The following PEBP4 variants were observed in gnomAD, a reference collection of about 807,000 sequenced individuals.
The protein encoded by PEBP4 is phosphatidylethanolamine binding protein 4.
Under a neutral mutation model 23.9 loss-of-function variants are expected in PEBP4, and 22 were observed. The observed-to-expected ratio is 0.92, with a 90% CI of 0.66 to 1.31. The LOEUF (loss-of-function observed/expected upper bound fraction) is 1.31, where lower values mean the gene tolerates loss of function less well. Among genes scored for constraint, PEBP4 ranks in the 40% most tolerant of loss-of-function variants. PEBP4 has a pLI of 0.00. For missense variants in PEBP4, 324 were observed against 281.7 expected (o/e 1.15, Z -1.07); for synonymous variants, 112 against 99.3 (o/e 1.13, Z -0.76).
At chr8:22,932,230 C>T (rs1809467490), upstream of PEBP4, among the ~76,000 whole-genome samples, 1 of 152,132 alleles carries the variant, frequency 6.6e-6, no homozygotes, top group African/African-American at 2.4e-5. Context: ...GTTGCTAAGG[C>T]TGGAGGTGGA....
At chr8:22,871,951 C>T (rs967783309) in intron 3 of PEBP4, among the ~76,000 whole-genome samples, 4 of 152,150 alleles carry the variant, frequency 2.6e-5, no homozygotes, top group African/African-American at 9.7e-5. Flanking sequence ...CCGCAAGTCC[C>T]CAAAATCCAT....
intron 3 of PEBP4, among the ~76,000 whole-genome samples, chr8:22,857,592 G>A (rs1387765726): frequency 6.6e-6 from 1 of 152,228 alleles, no homozygotes; most frequent in Non-Finnish European, 1.5e-5. Flanking sequence ...ACCCAGGACT[G>A]ATGTAACGAG....
chr8:22,742,278 T>C (rs1365739867), intron 4 of PEBP4, among the ~76,000 whole-genome samples: 1 of 152,250 alleles, frequency 6.6e-6, no homozygotes, highest in African/African-American at 2.4e-5. Context: ...ATCTGCCAGC[T>C]CTTGCGCCCC....
At chr8:22,732,634 T>TGTGTG (rs1554479294) in intron 4 of PEBP4, among the ~76,000 whole-genome samples, 19,673 of 149,172 alleles carry the variant, frequency 0.13, 1,619 homozygotes, top group Middle Eastern at 0.2. Context: ...CTGGCCCCAT[T>TGTGTG]TGTGTGTGTG....
intron 3 of PEBP4, 87 bp from the exon 4 acceptor site, chr8:22,817,822 A>G: frequency 8.0e-7 from 1 of 1,248,780 alleles, no homozygotes; most frequent in Non-Finnish European, 1.2e-6. Flanking sequence ...CCGCCATTCC[A>G]ACCGAGAATG....
chr8:22,805,887 TGA>T (rs1806485209), intron 4 of PEBP4, among the ~76,000 whole-genome samples: 1 of 151,990 alleles, frequency 6.6e-6, no homozygotes, highest in African/African-American at 2.4e-5. Context: ...GCTGAATGAA[TGA>T]ATGAATGAAT....
At chr8:22,893,641 T>A (rs912462135) in intron 3 of PEBP4, among the ~76,000 whole-genome samples, 1 of 152,168 alleles carries the variant, frequency 6.6e-6, no homozygotes, top group African/African-American at 2.4e-5. Context: ...GATAACAATT[T>A]CATTGTCTGT....
chr8:22,827,680 A>G (rs1309962838), intron 3 of PEBP4, among the ~76,000 whole-genome samples: 1 of 152,244 alleles, frequency 6.6e-6, no homozygotes, highest in Non-Finnish European at 1.5e-5. Context: ...ATTATGAATG[A>G]TGCTGCTGTG....
chr8:22,883,170 T>C (rs930588378), intron 3 of PEBP4, among the ~76,000 whole-genome samples: 3 of 151,966 alleles, frequency 2.0e-5, no homozygotes, highest in Non-Finnish European at 4.4e-5. Context: ...GCAGGGATTA[T>C]GATGCTTGCT....
intron 4 of PEBP4, among the ~76,000 whole-genome samples, chr8:22,786,827 T>C (rs2128756162): frequency 6.7e-6 from 1 of 149,912 alleles, no homozygotes; most frequent in East Asian, 2.0e-4. Flanking sequence ...CCTACCGCTT[T>C]TTTTTTTTTT....
intron 5 of PEBP4, among the ~76,000 whole-genome samples, 198 bp from the exon 6 acceptor site, chr8:22,725,154 A>T (rs1005564546): frequency 6.6e-6 from 1 of 150,668 alleles, no homozygotes; most frequent in Non-Finnish European, 1.5e-5. Context: ...GGTGGGGGTG[A>T]GAGTGGGGGA....
intron 3 of PEBP4, among the ~76,000 whole-genome samples, chr8:22,843,816 G>A (rs899859967): frequency 6.6e-6 from 1 of 152,186 alleles, no homozygotes; most frequent in African/African-American, 2.4e-5. Flanking sequence ...CAAGGGTGAA[G>A]ACGATGAAAG....
At chr8:22,880,445 A>G (rs1370125520) in intron 3 of PEBP4, 4 of 152,100 alleles carry the variant, frequency 2.6e-5, no homozygotes, top group African/African-American at 9.7e-5. Context: ...TAAAGGAAAA[A>G]CTTGTTCAAA....
intron 4 of PEBP4, chr8:22,744,724 G>A (rs1375903573): frequency 2.6e-5 from 4 of 152,330 alleles, no homozygotes; most frequent in African/African-American, 9.6e-5. Flanking sequence ...TGGGGAGAGT[G>A]GGGAGCAAAC....
rs540197103 is a variant in PEBP4 at position 22,788,701 on chromosome 8, A to G, written c.357+28936T>C. Among the ~76,000 whole-genome samples, 4 of 152,374 alleles carry G rather than the reference A, an allele frequency of 2.6e-5. No homozygotes were observed. The East Asian group carries it at 7.7e-4, about 29-fold the overall frequency. On this transcript the variant is annotated intron_variant, in intron 4 of 6. Coordinates refer to ENST00000256404, the MANE Select transcript of PEBP4 (RefSeq NM_144962.3). Reference sequence around the variant, plus strand: ...AATTCTAAATTGATACAAGGATTCTACATTGATAGAAATTCTAAATTCTGG... The same window carrying G: ...AATTCTAAATTGATACAAGGATTCTGCATTGATAGAAATTCTAAATTCTGG...
intron 4 of PEBP4, among the ~76,000 whole-genome samples, chr8:22,765,855 CTGTGG>C (rs1805603027): frequency 2.9e-4 from 35 of 121,904 alleles, no homozygotes; most frequent in South Asian, 1.5e-3. Context: ...GGATCACCAC[CTGTGG>C]ATCACCACCA....
intron 4 of PEBP4, among the ~76,000 whole-genome samples, chr8:22,737,096 C>T (rs1804879266): frequency 6.6e-6 from 1 of 152,060 alleles, no homozygotes; most frequent in African/African-American, 2.4e-5. Context: ...GAGTTCGAGA[C>T]CAGCCTGGCC....
At chr8:22,910,031 G>A (rs2128778608) in intron 3 of PEBP4, among the ~76,000 whole-genome samples, 1 of 152,364 alleles carries the variant, frequency 6.6e-6, no homozygotes, top group Admixed American at 6.5e-5. Flanking sequence ...CCGCCAGGTT[G>A]TGAGGAGGCT....
At chr8:22,763,289 G>A (rs922047563) in intron 4 of PEBP4, among the ~76,000 whole-genome samples, 3 of 152,202 alleles carry the variant, frequency 2.0e-5, no homozygotes, top group Non-Finnish European at 4.4e-5. Context: ...ACAGGTGTGA[G>A]CCACTGTTGC....
Sources: allele counts gnomAD v4.1 joint callset (sites outside exome capture counted in the v4.1 genomes callset), GRCh38; gene constraint gnomAD v4.1.1; transcripts MANE v1.5; gene names NCBI Gene and HGNC (gene_info 2026-07-23, HGNC 2026-07-21).